PVT1: variants seen among roughly 807,000 people sequenced by gnomAD.
PVT1 encodes the protein Pvt1 oncogene, also known as CXCR4/PVT1 fusion.
At chr8:127,958,003 A>G (rs1816591556) in intron 3 of PVT1, among the ~76,000 whole-genome samples, 2 of 152,230 alleles carry the variant, frequency 1.3e-5, no homozygotes, top group Non-Finnish European at 2.9e-5. Flanking sequence ...GGGTGATCAA[A>G]GCTGAGTGCC....
rs67866405 is a variant in PVT1, at chr8:128,071,523, A to AT, written n.1114+1167dup. Among the ~76,000 whole-genome samples, 162 of 135,658 alleles carry AT rather than the reference A, an allele frequency of 1.2e-3. 1 individual carries two copies. Among genetic ancestry groups the AT allele is most frequent in the African/African-American group, 3.0e-3 (115 of 37,958 alleles). The allele number at this position is 135,658 out of a possible 152,430, so 89.0% of individuals were successfully genotyped here. A position where few individuals can be genotyped will look rare whatever the true frequency, so the allele number is the denominator to read the frequency against. On this transcript the variant is annotated intron_variant and non_coding_transcript_variant, in intron 5 of 10. Coordinates refer to ENST00000651587, the Ensembl canonical transcript of PVT1. Reference sequence around the variant, plus strand: ...TAAGGAGACCCCCATCTCTATAAAAATTTTTAAAAAAAAAAAGCAGTTTTG... The same window carrying AT: ...TAAGGAGACCCCCATCTCTATAAAAATTTTTTAAAAAAAAAAAGCAGTTTTG...
At chr8:128,040,245 C>T (rs1453141707) in intron 4 of PVT1, among the ~76,000 whole-genome samples, 1 of 152,194 alleles carries the variant, frequency 6.6e-6, no homozygotes, top group Non-Finnish European at 1.5e-5. Flanking sequence ...ACATTACCCT[C>T]CACAATGTGA....
At chr8:127,843,043 C>T (rs1247948696) in intron 2 of PVT1, among the ~76,000 whole-genome samples, 1 of 152,166 alleles carries the variant, frequency 6.6e-6, no homozygotes, top group Non-Finnish European at 1.5e-5. Context: ...CTACCTACCA[C>T]ACAGGTTCTG....
Position 127,937,033 on chromosome 8 carries a change from C to T in PVT1, n.782+46035C>T, listed in dbSNP as rs531323628. On this transcript the variant is annotated intron_variant and non_coding_transcript_variant, in intron 3 of 10. Transcript: ENST00000651587. ...ATGCTGGTATCTAATTTCCTGTCCC[C>T]GTTTTAAGTCCAGACCAAGTCACCT... 2.6e-5 allele frequency among the ~76,000 whole-genome samples: 4 copies of T among 152,348 alleles called. No homozygotes were observed. The South Asian group carries it at 6.2e-4, about 24-fold the overall frequency.
intron 4 of PVT1, among the ~76,000 whole-genome samples, chr8:128,043,758 T>A (rs1302885667): frequency 7.1e-6 from 1 of 140,150 alleles, no homozygotes; most frequent in South Asian, 2.3e-4. Flanking sequence ...AGTATTATTT[T>A]CCCAAACTAT....
intron 3 of PVT1, among the ~76,000 whole-genome samples, chr8:127,929,567 C>T (rs940126129): frequency 6.6e-6 from 1 of 152,148 alleles, no homozygotes; most frequent in Non-Finnish European, 1.5e-5. Context: ...GAGATCGAGA[C>T]CATCCTGGCT....
chr8:127,883,846 C>T (rs1815496515), intron 2 of PVT1, among the ~76,000 whole-genome samples: 1 of 152,098 alleles, frequency 6.6e-6, no homozygotes, highest in Admixed American at 6.5e-5. Flanking sequence ...CCTCAGTGTC[C>T]TCTGGGGAAG....
chr8:127,844,071 C>G (rs1179487592), intron 2 of PVT1, among the ~76,000 whole-genome samples: 1 of 151,402 alleles, frequency 6.6e-6, no homozygotes, highest in African/African-American at 2.4e-5. Context: ...CAAGCTCTGC[C>G]TCCCGGGTTC....
chr8:127,826,876 T>A (rs891506216), intron 2 of PVT1, among the ~76,000 whole-genome samples: 5 of 152,178 alleles, frequency 3.3e-5, no homozygotes, highest in African/African-American at 1.2e-4. Context: ...TGCTTCTTAA[T>A]GCAAGGAAAG....
At chr8:127,802,783 T>C (rs4410871) in intron 2 of PVT1, among the ~76,000 whole-genome samples, 111,675 of 152,066 alleles carry the variant, frequency 0.73, 41,405 homozygotes, top group African/African-American at 0.83. Flanking sequence ...CTTCGGGAAG[T>C]TTCCAGTGTG....
At chr8:128,057,704 A>G (rs542460052) in intron 4 of PVT1, among the ~76,000 whole-genome samples, 1 of 152,274 alleles carries the variant, frequency 6.6e-6, no homozygotes, top group East Asian at 1.9e-4. Flanking sequence ...GACATCCATC[A>G]TCGTTTAAAT....
chr8:127,929,023 AG>A (rs1217018443), intron 3 of PVT1, among the ~76,000 whole-genome samples: 1 of 152,158 alleles, frequency 6.6e-6, no homozygotes, highest in Non-Finnish European at 1.5e-5. Flanking sequence ...CAGAATTAGG[AG>A]GGGAAAATCC....
At chr8:127,865,339 C>T (rs1331025003) in intron 2 of PVT1, among the ~76,000 whole-genome samples, 1 of 152,088 alleles carries the variant, frequency 6.6e-6, no homozygotes, top group Non-Finnish European at 1.5e-5. Context: ...ATGCTTCCCC[C>T]AAAGAGGTTC....
At chr8:127,994,556 T>C (rs1586472382) in intron 4 of PVT1, among the ~76,000 whole-genome samples, 2 of 152,318 alleles carry the variant, frequency 1.3e-5, no homozygotes, top group East Asian at 3.9e-4. Context: ...CAATAGAACA[T>C]GAAGATAGAT....
At chr8:128,072,995 A>G (rs1814016099) in intron 5 of PVT1, among the ~76,000 whole-genome samples, 1 of 151,688 alleles carries the variant, frequency 6.6e-6, no homozygotes, top group African/African-American at 2.4e-5. Context: ...CACCATGCCT[A>G]GCTAATTTTT....
At chr8:127,996,332 G>T (rs3815871) in intron 4 of PVT1, among the ~76,000 whole-genome samples, 1 of 151,042 alleles carries the variant, frequency 6.6e-6, no homozygotes, top group Non-Finnish European at 1.5e-5. Flanking sequence ...TGACTCTGCT[G>T]GTAATTTGTG....
intron 3 of PVT1, among the ~76,000 whole-genome samples, chr8:127,924,669 G>A (rs547540630): frequency 2.0e-5 from 3 of 151,982 alleles, no homozygotes; most frequent in Non-Finnish European, 2.9e-5. Context: ...CCACCACCAC[G>A]CCCGACTAAT....
chr8:127,855,400 C>A, intron 2 of PVT1: 1 of 392,254 alleles, frequency 2.5e-6, no homozygotes, highest in Non-Finnish European at 4.5e-6. Context: ...AGGGGAAACC[C>A]TTGTTGACGC....
chr8:128,051,140 A>G (rs1420849750), intron 4 of PVT1, among the ~76,000 whole-genome samples: 4 of 152,254 alleles, frequency 2.6e-5, no homozygotes, highest in Admixed American at 2.6e-4. Flanking sequence ...GATTGAGTGC[A>G]CATGATATGT....
Sources: gnomAD v4.1 joint callset for allele counts (sites outside exome capture counted in the v4.1 genomes callset) on GRCh38, gnomAD v4.1.1 for gene constraint, MANE v1.5 for transcripts, NCBI Gene and HGNC (gene_info 2026-07-23, HGNC 2026-07-21) for gene names.